Variants in CDCA3 observed in about 807,000 individuals in gnomAD.
CDCA3 encodes cell division cycle associated 3.
CDCA3 carries 16 observed loss-of-function variants against 29.1 expected under a neutral mutation model. That is an observed-to-expected ratio of 0.55 (90% CI 0.37 to 0.83). The LOEUF (loss-of-function observed/expected upper bound fraction) is 0.83, where lower values mean the gene tolerates loss of function less well. Ranked by LOEUF, CDCA3 falls within the 40% of genes least tolerant of loss-of-function variation. The probability of loss-of-function intolerance (pLI) is 0.00; values close to 1 mark genes in which losing one functional copy is unlikely to be tolerated. For synonymous variants in CDCA3, 88 were observed against 124.5 expected (o/e 0.71, Z 1.95); for missense variants, 291 against 327.2 (o/e 0.89, Z 0.85).
rs150704956 is a variant in CDCA3 at position 6,851,030 on chromosome 12, C to T, written c.-57-21G>A. ...AATGCCTGTGAGAAGTGACTCAGGT[C>T]TCAGCCCTTATCTCTTCCACGTCGG... On this transcript the variant is annotated intron_variant, in intron 1 of 5. Coordinates refer to ENST00000538862, the MANE Select transcript of CDCA3 (RefSeq NM_031299.7). The T allele has an allele frequency of 1.8e-5, 27 of 1,525,022 alleles. No homozygotes were observed. In the East Asian group the frequency reaches 5.7e-4, roughly 32 times the overall value. The allele number at this position is 1,525,022 out of a possible 1,614,324, so 94.5% of individuals were successfully genotyped here. A position where few individuals can be genotyped will look rare whatever the true frequency, so the allele number is the denominator to read the frequency against.
rs1166030117 is a variant in CDCA3, at chr12:6,851,272, G to A, written c.-108C>T. ...CACAACAGCTCGTGGCTCAACTCCC[G>A]AAGTTACCAGTTTCAAACTTCCCGC... On this transcript the variant is annotated 5_prime_UTR_variant, in exon 1 of 6. Transcript: ENST00000538862. The A allele has an allele frequency of 8.9e-7, 1 of 1,126,682 alleles. No individual in the cohort carries two copies. Among genetic ancestry groups the A allele is most frequent in the African/African-American group, 1.6e-5 (1 of 61,270 alleles). 69.8% of individuals were successfully genotyped at this position (1,126,682 alleles called of 1,614,324 possible). A position where few individuals can be genotyped will look rare whatever the true frequency, so the allele number is the denominator to read the frequency against.
chr12:6,850,789 A>G lies in CDCA3; in HGVS notation c.120+44T>C, dbSNP rs782527027. On this transcript the variant is annotated intron_variant, in intron 2 of 5. Transcript: ENST00000538862. This position sits in a 1 kb window ranked among gnomAD's most constrained non-coding sequence, Gnocchi z 4.7. ...CAAAATCAGGTTAGGAAGAGACCCA[A>G]GAATTCAGACATTCTCTGCCTTTCC... 1.0e-5 allele frequency: 16 copies of G among 1,606,460 alleles called. No homozygotes were observed. Among genetic ancestry groups the G allele is most frequent in the Admixed American group, 3.4e-5 (2 of 59,416 alleles).
downstream of CDCA3, chr12:6,845,797 G>C (rs144342814): frequency 5.0e-6 from 8 of 1,611,342 alleles, no homozygotes; most frequent in Non-Finnish European, 6.8e-6. Flanking sequence ...AAGTCTGAGC[G>C]TGTGGGTAAG....
downstream of CDCA3, chr12:6,846,020 G>C (rs1360412655): frequency 7.1e-6 from 4 of 561,154 alleles, no homozygotes; most frequent in African/African-American, 3.8e-5. Flanking sequence ...ACTGCCCAAT[G>C]CCATGACTGC....
chr12:6,849,433 G>T lies in CDCA3; in HGVS notation c.545-4C>A. ...TTCCATCTATTGCGCATAGAACCTG[G>T]GGTGGGTAAGGCGTTAAAGCAAGGA... On this transcript the variant is annotated splice_polypyrimidine_tract_variant and splice_region_variant and intron_variant, in intron 4 of 5. Coordinates refer to ENST00000538862, the MANE Select transcript of CDCA3 (RefSeq NM_031299.7). The surrounding 1 kb of genome is among the most constrained non-coding windows in gnomAD (Gnocchi z 5.2). 1 of 1,581,198 alleles carries T rather than the reference G, an allele frequency of 6.3e-7. No homozygotes were observed. The highest frequency in any genetic ancestry group is 1.2e-5 in the South Asian group (1 of 85,892).
Position 6,851,257 on chromosome 12 carries a change from C to T in CDCA3, c.-93G>A. The T allele has an allele frequency of 8.7e-7, 1 of 1,149,640 alleles. No individual in the cohort carries two copies. Among genetic ancestry groups the T allele is most frequent in the Middle Eastern group, 3.6e-4 (1 of 2,752 alleles). 71.2% of individuals were successfully genotyped at this position (1,149,640 alleles called of 1,614,324 possible). ...TTCCACCTCTGGATGCACAACAGCT[C>T]GTGGCTCAACTCCCGAAGTTACCAG... is the stretch of plus-strand genomic sequence containing the variant. On this transcript the variant is annotated 5_prime_UTR_variant, in exon 1 of 6. Coordinates refer to ENST00000538862, the MANE Select transcript of CDCA3 (RefSeq NM_031299.7).
At chr12:6,846,745 C>T, downstream of CDCA3, 1 of 1,134,746 alleles carries the variant, frequency 8.8e-7, no homozygotes. Context: ...ACACTGCTTT[C>T]CAAATCAGCT....
At position 6,849,104 on chromosome 12, in the gene CDCA3, G is replaced by A; in HGVS notation, c.746C>T (p.Ala249Val). 3 of 1,502,786 alleles carry A rather than the reference G, an allele frequency of 2.0e-6. No homozygotes were observed. Among genetic ancestry groups the A allele is most frequent in the Non-Finnish European group, 2.8e-6 (3 of 1,078,348 alleles). The allele number at this position is 1,502,786 out of a possible 1,614,324, so 93.1% of individuals were successfully genotyped here. Residue 249 changes from alanine (A) to valine (V), a missense_variant, in exon 6 of 6, where the codon GCA becomes GTA. By Grantham distance (64) the Ala-to-Val change is moderately conservative. Transcript: ENST00000538862. The surrounding 1 kb of genome is among the most constrained non-coding windows in gnomAD (Gnocchi z 5.2). Reference sequence around the variant, plus strand: ...GTCATGGTCCTGGCCTTGCTCCCATGCTCGTCCTCCAGTTTTCAGAAGTCG... The same window carrying A: ...GTCATGGTCCTGGCCTTGCTCCCATACTCGTCCTCCAGTTTTCAGAAGTCG... ...TGRLLKTGGR[A>V]WEQGQDHDKE...
rs1943775603 is a variant in CDCA3, at chr12:6,849,308, T to C, written c.651+15A>G. The stretch of plus-strand genomic sequence containing the variant: ...TGGATATCCTAGTAACAGCTTGCAC[T>C]TTCTCTTCCTTTACCTGTCGTAGTG... On this transcript the variant is annotated intron_variant, in intron 5 of 5. Coordinates refer to ENST00000538862, the MANE Select transcript of CDCA3 (RefSeq NM_031299.7). The surrounding 1 kb of genome is among the most constrained non-coding windows in gnomAD (Gnocchi z 5.2). 1 of 1,593,816 alleles carries C rather than the reference T, an allele frequency of 6.3e-7. No individual in the cohort carries two copies. The highest frequency in any genetic ancestry group is 1.3e-5 in the African/African-American group (1 of 74,366).
chr12:6,850,830 T>C lies in CDCA3; in HGVS notation c.120+3A>G. The C allele has an allele frequency of 6.2e-7, 1 of 1,613,508 alleles. No individual in the cohort carries two copies. Among genetic ancestry groups the C allele is most frequent in the Non-Finnish European group, 8.5e-7 (1 of 1,179,804 alleles). ...CTGCCTTTCCCACGCTGGCCCAGAG[T>C]ACCTGGATGGGAGTGCGCAGGATGC... is the stretch of plus-strand genomic sequence containing the variant. On this transcript the variant is annotated splice_donor_region_variant and intron_variant, in intron 2 of 5. Coordinates refer to ENST00000538862, the MANE Select transcript of CDCA3 (RefSeq NM_031299.7). This position sits in a 1 kb window ranked among gnomAD's most constrained non-coding sequence, Gnocchi z 4.7.
At chr12:6,845,462 G>C (rs1943668345), downstream of CDCA3, 2 of 661,846 alleles carry the variant, frequency 3.0e-6, no homozygotes, top group Admixed American at 4.7e-5. Context: ...AACCAAGGGA[G>C]GGACAGGCAG....
chr12:6,846,708 C>T (rs903998113), downstream of CDCA3: 10 of 740,350 alleles, frequency 1.4e-5, no homozygotes, highest in Non-Finnish European at 2.4e-5. Context: ...CACCCACACA[C>T]CCACACATAC....
Position 6,850,398 on chromosome 12 carries a change from G to T in CDCA3, c.250+69C>A. 6 of 1,592,552 alleles carry T rather than the reference G, an allele frequency of 3.8e-6. No individual in the cohort carries two copies. The highest frequency in any genetic ancestry group is 5.2e-6 in the Non-Finnish European group (6 of 1,163,422). On this transcript the variant is annotated intron_variant, in intron 3 of 5. Transcript: ENST00000538862. The surrounding 1 kb of genome is among the most constrained non-coding windows in gnomAD (Gnocchi z 4.7). ...CCCCTTTAAGGAACCCTGAGAGAAT[G>T]GCTTCATGGACCCTACCCAAGAATA...
In CDCA3 at chr12:6,850,467, C is replaced by T; in HGVS notation, c.250G>A (p.Asp84Asn). Reference sequence around the variant, plus strand: ...AGCATTCCCTGGGCCCAACGCTTACCTCCACTGCTGGTCTTCATAGGTGTC... The same window carrying T: ...AGCATTCCCTGGGCCCAACGCTTACTTCCACTGCTGGTCTTCATAGGTGTC... The part of the protein sequence containing the change: ...ARTPMKTSSG[D>N]PPSPLVKQLS... The change falls in exon 3 of 6, where the codon GAC (aspartate) becomes AAC (asparagine). Residue 84 changes from aspartate to asparagine, a missense_variant and splice_region_variant. Coordinates refer to ENST00000538862, the MANE Select transcript of CDCA3 (RefSeq NM_031299.7). The surrounding 1 kb of genome is among the most constrained non-coding windows in gnomAD (Gnocchi z 4.7). 1 of 1,614,142 alleles carries T rather than the reference C, an allele frequency of 6.2e-7. No individual in the cohort carries two copies.
Position 6,850,662 on chromosome 12 carries a change from C to G in CDCA3, c.121-66G>C. The G allele has an allele frequency of 6.2e-7, 1 of 1,608,458 alleles. No homozygotes were observed. The highest frequency in any genetic ancestry group is 8.5e-7 in the Non-Finnish European group (1 of 1,176,056). The stretch of plus-strand genomic sequence containing the variant: ...CTTCTCTCCTCTCCTCCCCATATTC[C>G]AGGAAGGAATTGCCAAGGCCCTCAG... On this transcript the variant is annotated intron_variant, in intron 2 of 5. Transcript: ENST00000538862. This position sits in a 1 kb window ranked among gnomAD's most constrained non-coding sequence, Gnocchi z 4.7.
At position 6,850,179 on chromosome 12, in the gene CDCA3, GT is replaced by G; in HGVS notation, c.250+287del. On this transcript the variant is annotated intron_variant, in intron 3 of 5. Transcript: ENST00000538862. The surrounding 1 kb of genome is among the most constrained non-coding windows in gnomAD (Gnocchi z 4.7). Reference sequence around the variant, plus strand: ...CGTGCTTTTGTGTGTGTGTGTGTGTGTTATGTGTGTGTATTTTTTCTAGAGA... The same window carrying G: ...CGTGCTTTTGTGTGTGTGTGTGTGTGTATGTGTGTGTATTTTTTCTAGAGA... The G allele has an allele frequency of 1.9e-6, 1 of 514,354 alleles. No homozygotes were observed. The highest frequency in any genetic ancestry group is 3.5e-6 in the Non-Finnish European group (1 of 285,750). The allele number at this position is 514,354 out of a possible 1,614,324, so 31.9% of individuals were successfully genotyped here.
At position 6,850,125 on chromosome 12, in the gene CDCA3, G is replaced by C. The variant is rs978383208; in HGVS notation, c.251-267C>G. On this transcript the variant is annotated intron_variant, in intron 3 of 5. Transcript: ENST00000538862. The surrounding 1 kb of genome is among the most constrained non-coding windows in gnomAD (Gnocchi z 4.7). ...AGCAATCCTCCCACTTCAGCCTCCT[G>C]AGTAGCTGGGATCACAGGCCCATGC... The C allele has an allele frequency of 1.9e-6, 1 of 513,024 alleles. No homozygotes were observed. Among genetic ancestry groups the C allele is most frequent in the Non-Finnish European group, 3.4e-6 (1 of 289,896 alleles). 31.8% of individuals were successfully genotyped at this position (513,024 alleles called of 1,614,324 possible).
chr12:6,850,644 C>T lies in CDCA3; in HGVS notation c.121-48G>A, dbSNP rs782051229. On this transcript the variant is annotated intron_variant, in intron 2 of 5. Coordinates refer to ENST00000538862, the MANE Select transcript of CDCA3 (RefSeq NM_031299.7). The surrounding 1 kb of genome is among the most constrained non-coding windows in gnomAD (Gnocchi z 4.7). ...CAAGTCTGGGCCCTGACTCTTCTCT[C>T]CTCTCCTCCCCATATTCCAGGAAGG... 9.3e-6 allele frequency: 15 copies of T among 1,612,004 alleles called. No individual in the cohort carries two copies. The highest frequency in any genetic ancestry group is 1.3e-5 in the Non-Finnish European group (15 of 1,178,566).
downstream of CDCA3, chr12:6,846,683 C>T (rs891377923): frequency 2.8e-4 from 176 of 634,362 alleles, 1 homozygote; most frequent in Middle Eastern, 1.6e-3. Flanking sequence ...CCCCACACAC[C>T]CACATACACA....
Sources: gnomAD v4.1 joint callset for allele counts on GRCh38, gnomAD v4.1.1 for gene constraint, Gnocchi (gnomAD v3.1) non-coding constraint, MANE v1.5 for transcripts, NCBI Gene and HGNC (gene_info 2026-07-23, HGNC 2026-07-21) for gene names.